CNTNAP5: variants seen among roughly 807,000 people sequenced by gnomAD.
CNTNAP5 encodes the protein contactin associated protein family member 5.
A neutral mutation model predicts 150.2 loss-of-function variants in CNTNAP5; 72 were observed. The observed-to-expected ratio is 0.48, with a 90% confidence interval of 0.40 to 0.58. The LOEUF is 0.58. Ranked by LOEUF, CNTNAP5 falls within the 20% of genes least tolerant of loss-of-function variation. The pLI, the probability that CNTNAP5 is intolerant of heterozygous loss-of-function variation, is 0.00. For synonymous variants in CNTNAP5, 672 were observed against 619.8 expected, an observed-to-expected ratio of 1.08 and a Z score of -1.25; for missense variants, 1,636 against 1,626.2, an observed-to-expected ratio of 1.01 and a Z score of -0.10.
intron 3 of CNTNAP5, among the ~76,000 whole-genome samples, chr2:124,287,327 TA>T (rs1211423136): frequency 6.6e-6 from 1 of 152,176 alleles, no homozygotes; most frequent in Non-Finnish European, 1.5e-5. Flanking sequence ...CTTAGGCCAG[TA>T]TGCCGGGTGC....
intron 13 of CNTNAP5, among the ~76,000 whole-genome samples, chr2:124,665,174 CA>C (rs1326427477): frequency 2.0e-5 from 3 of 152,166 alleles, no homozygotes; most frequent in Admixed American, 1.3e-4. Context: ...GGTATATTTA[CA>C]ATATTGTCTT....
chr2:124,102,422 A>T (rs1683084651), intron 1 of CNTNAP5, among the ~76,000 whole-genome samples: 1 of 152,200 alleles, frequency 6.6e-6, no homozygotes, highest in African/African-American at 2.4e-5. Flanking sequence ...ACAGCGCCAG[A>T]AGTTCAGCGA....
chr2:124,264,500 A>G (rs1217905848), intron 3 of CNTNAP5, among the ~76,000 whole-genome samples: 1 of 151,976 alleles, frequency 6.6e-6, no homozygotes, highest in Non-Finnish European at 1.5e-5. Flanking sequence ...GATCCTTTTG[A>G]GGCAACATAA....
chr2:124,775,167 G>T (rs1238757318), intron 17 of CNTNAP5, among the ~76,000 whole-genome samples: 1 of 152,180 alleles, frequency 6.6e-6, no homozygotes, highest in Admixed American at 6.5e-5. Context: ...CCTATTTAGA[G>T]TTCAGTGATA....
chr2:124,360,424 C>T lies in CNTNAP5; in HGVS notation c.382-57019C>T, dbSNP rs1411896255. Among the ~76,000 whole-genome samples, 4 of 147,662 alleles carry T rather than the reference C, an allele frequency of 2.7e-5. 1 individual carries two copies. Among genetic ancestry groups the T allele is most frequent in the South Asian group, 2.2e-4 (1 of 4,534 alleles). On this transcript the variant is annotated intron_variant, in intron 3 of 23. Transcript: ENST00000682447. ...AGTCTTGATGGTCTTTACATTTTGG[C>T]TTGATTTTGCAGCGGCTGGTACCGG...
chr2:124,081,448 G>A (rs1682557135), intron 1 of CNTNAP5, among the ~76,000 whole-genome samples: 1 of 152,042 alleles, frequency 6.6e-6, no homozygotes, highest in Non-Finnish European at 1.5e-5. Context: ...CTTCTTTTAG[G>A]TGCTCTCTGC....
At chr2:124,216,439 G>A (rs1686158098) in intron 1 of CNTNAP5, among the ~76,000 whole-genome samples, 1 of 151,660 alleles carries the variant, frequency 6.6e-6, no homozygotes, top group South Asian at 2.1e-4. Context: ...TGCACAACGT[G>A]CGGGTTTGTT....
At chr2:124,496,198 G>A (rs538262679) in intron 7 of CNTNAP5, among the ~76,000 whole-genome samples, 1 of 152,142 alleles carries the variant, frequency 6.6e-6, no homozygotes, top group Admixed American at 6.5e-5. Flanking sequence ...AAATGAAAAA[G>A]AGCCTTGATT....
At position 124,919,491 on chromosome 2, in the gene CNTNAP5, C is replaced by T. The variant is rs184574208; in HGVS notation, c.*5203C>T. ...GTTTTGGTTTCAACCACACCTGCTG[C>T]GAACTTGACGAGGAGGAAGAGGGGC... On this transcript the variant is annotated 3_prime_UTR_variant, in exon 24 of 24. Coordinates refer to ENST00000682447, the MANE Select transcript of CNTNAP5 (RefSeq NM_001367498.1). Among the ~76,000 whole-genome samples, 1 of 152,164 alleles carries T rather than the reference C, an allele frequency of 6.6e-6. No homozygotes were observed. The highest frequency in any genetic ancestry group is 1.9e-4 in the East Asian group (1 of 5,144).
At chr2:124,770,538 G>GA (rs1380841765) in intron 16 of CNTNAP5, among the ~76,000 whole-genome samples, 1 of 152,134 alleles carries the variant, frequency 6.6e-6, no homozygotes, top group African/African-American at 2.4e-5. Context: ...GTGTTTTATA[G>GA]AAAAATGTAA....
intron 3 of CNTNAP5, among the ~76,000 whole-genome samples, chr2:124,408,572 G>C (rs1404665208): frequency 6.6e-5 from 10 of 151,902 alleles, no homozygotes; most frequent in Non-Finnish European, 1.3e-4. Flanking sequence ...GTGGGTCCCT[G>C]ACCCCTGACC....
At chr2:124,082,369 A>AAAAAGGAC (rs1682580452) in intron 1 of CNTNAP5, among the ~76,000 whole-genome samples, 1 of 148,316 alleles carries the variant, frequency 6.7e-6, no homozygotes, top group Non-Finnish European at 1.5e-5. Context: ...AAAAAAAAAA[A>AAAAAGGAC]AAAAGGACTC....
chr2:124,378,139 C>G (rs1690698945), intron 3 of CNTNAP5, among the ~76,000 whole-genome samples: 1 of 152,042 alleles, frequency 6.6e-6, no homozygotes, highest in African/African-American at 2.4e-5. Context: ...GTGGATTGCA[C>G]TGGTCCAGGT....
chr2:124,779,907 C>A (rs1486751462), intron 17 of CNTNAP5, among the ~76,000 whole-genome samples: 2 of 152,162 alleles, frequency 1.3e-5, no homozygotes, highest in African/African-American at 4.8e-5. Flanking sequence ...ATTGTTTCAT[C>A]TCCCCTTTCT....
chr2:124,475,390 T>C (rs1325041828), intron 7 of CNTNAP5, among the ~76,000 whole-genome samples: 1 of 152,112 alleles, frequency 6.6e-6, no homozygotes, highest in African/African-American at 2.4e-5. Flanking sequence ...TCTTCCCTAA[T>C]AATGAGTTTC....
chr2:124,314,685 C>G (rs1333464786), intron 3 of CNTNAP5, among the ~76,000 whole-genome samples: 1 of 152,054 alleles, frequency 6.6e-6, no homozygotes, highest in Non-Finnish European at 1.5e-5. Context: ...AAATAAAAAT[C>G]TCTAATAATC....
In CNTNAP5 at chr2:124,267,737, T is replaced by A. The variant is rs891052990; in HGVS notation, c.381+25344T>A. 7.2e-5 allele frequency among the ~76,000 whole-genome samples: 11 copies of A among 152,304 alleles called. No homozygotes were observed. In the South Asian group the frequency reaches 2.3e-3, roughly 32 times the overall value. The stretch of plus-strand genomic sequence containing the variant: ...TATTTTTCTAATATGCAGCTTTGGA[T>A]AATATAAAATGTTCTGTATACAAGA... On this transcript the variant is annotated intron_variant, in intron 3 of 23. Coordinates refer to ENST00000682447, the MANE Select transcript of CNTNAP5 (RefSeq NM_001367498.1).
At chr2:124,263,660 C>T (rs2104604197) in intron 3 of CNTNAP5, among the ~76,000 whole-genome samples, 2 of 152,264 alleles carry the variant, frequency 1.3e-5, no homozygotes, top group Middle Eastern at 6.8e-3. Context: ...TAATTAGATC[C>T]CATTTGTCAA....
At chr2:124,901,514 G>C (rs961572539) in intron 21 of CNTNAP5, among the ~76,000 whole-genome samples, 2 of 152,262 alleles carry the variant, frequency 1.3e-5, no homozygotes, top group Middle Eastern at 3.4e-3. Flanking sequence ...GCCATGGGAT[G>C]TGGGTGGCTT....
Sources: allele counts gnomAD v4.1 joint callset (sites outside exome capture counted in the v4.1 genomes callset), GRCh38; gene constraint gnomAD v4.1.1; transcripts MANE v1.5; gene names NCBI Gene and HGNC (gene_info 2026-07-23, HGNC 2026-07-21).